Variants in ZCCHC17 observed in about 807,000 individuals in gnomAD.
The protein encoded by ZCCHC17 is zinc finger CCHC-type containing 17.
A neutral mutation model predicts 30.6 loss-of-function variants in ZCCHC17; 18 were observed. That is an observed-to-expected ratio of 0.59 (90% CI 0.41 to 0.87). ZCCHC17 has a LOEUF of 0.87. Among genes scored for constraint, ZCCHC17 ranks in the 40% least tolerant of loss-of-function variants. The pLI, the probability that ZCCHC17 is intolerant of heterozygous loss-of-function variation, is 0.00. For missense variants in ZCCHC17, 263 were observed against 284.2 expected (o/e 0.93, Z 0.54); for synonymous variants, 88 against 92.4 (o/e 0.95, Z 0.27).
At chr1:31,297,404 G>GT (rs979266961) in intron 1 of ZCCHC17, among the ~76,000 whole-genome samples, 1 of 152,198 alleles carries the variant, frequency 6.6e-6, no homozygotes, top group Non-Finnish European at 1.5e-5. Flanking sequence ...AGGCTGACTT[G>GT]TTTCTGCCAC....
At chr1:31,298,405 A>C (rs1371831556) in intron 1 of ZCCHC17, among the ~76,000 whole-genome samples, 15 of 132,822 alleles carry the variant, frequency 1.1e-4, no homozygotes, top group Non-Finnish European at 6.2e-5. Flanking sequence ...TTTTTTTTTG[A>C]GACAGGTTCT....
At chr1:31,298,814 G>A (rs111655289) in intron 1 of ZCCHC17, among the ~76,000 whole-genome samples, 3 of 152,186 alleles carry the variant, frequency 2.0e-5, no homozygotes, top group East Asian at 1.9e-4. Context: ...GGCATAATTT[G>A]TATATACATG....
intron 3 of ZCCHC17, among the ~76,000 whole-genome samples, chr1:31,320,684 A>G (rs568873037): frequency 1.4e-4 from 21 of 152,276 alleles, no homozygotes; most frequent in African/African-American, 5.1e-4. Context: ...TTGCAGTTCC[A>G]TCAGTTGATG....
intron 1 of ZCCHC17, among the ~76,000 whole-genome samples, chr1:31,306,065 A>G (rs1646448748): frequency 6.6e-6 from 1 of 152,204 alleles, no homozygotes; most frequent in East Asian, 1.9e-4. Flanking sequence ...CTTATCATAC[A>G]CTGTGGCTAT....
At chr1:31,342,044 A>G (rs1450536671) in intron 5 of ZCCHC17, among the ~76,000 whole-genome samples, 1 of 152,048 alleles carries the variant, frequency 6.6e-6, no homozygotes, top group Non-Finnish European at 1.5e-5. Flanking sequence ...TAGCATCCAT[A>G]GTATTCATTT....
At chr1:31,325,798 G>A (rs1207988887) in intron 3 of ZCCHC17, among the ~76,000 whole-genome samples, 2 of 152,106 alleles carry the variant, frequency 1.3e-5, no homozygotes, top group Non-Finnish European at 2.9e-5. Context: ...AGCAAAACTC[G>A]GGCAAAGGTG....
intron 3 of ZCCHC17, among the ~76,000 whole-genome samples, chr1:31,324,606 C>T (rs764669871): frequency 2.6e-5 from 4 of 152,222 alleles, no homozygotes; most frequent in Non-Finnish European, 5.9e-5. Flanking sequence ...GGAGCAAAGT[C>T]GAAGCTGAGC....
At chr1:31,332,687 C>G (rs868843242) in intron 3 of ZCCHC17, among the ~76,000 whole-genome samples, 1 of 151,486 alleles carries the variant, frequency 6.6e-6, no homozygotes, top group South Asian at 2.1e-4. Flanking sequence ...TGCTTTGTCA[C>G]CAGGCTGGAG....
intron 1 of ZCCHC17, among the ~76,000 whole-genome samples, chr1:31,304,387 G>A (rs1255673413): frequency 6.6e-6 from 1 of 151,614 alleles, no homozygotes; most frequent in Non-Finnish European, 1.5e-5. Context: ...ATGTTCAAGT[G>A]GTTCTCCTGT....
chr1:31,317,165 C>T (rs1264645435), intron 2 of ZCCHC17, among the ~76,000 whole-genome samples: 2 of 151,730 alleles, frequency 1.3e-5, no homozygotes, highest in Non-Finnish European at 2.9e-5. Context: ...GCTGGGATTA[C>T]AGACGCCCAC....
At chr1:31,311,859 T>C (rs2148416933) in intron 2 of ZCCHC17, among the ~76,000 whole-genome samples, 2 of 152,358 alleles carry the variant, frequency 1.3e-5, no homozygotes, top group South Asian at 4.1e-4. Flanking sequence ...TAAGAAGTAT[T>C]AATCACTTGG....
intron 7 of ZCCHC17, among the ~76,000 whole-genome samples, chr1:31,350,105 A>G (rs1639419439): frequency 1.3e-5 from 2 of 152,356 alleles, no homozygotes; most frequent in African/African-American, 2.4e-5. Flanking sequence ...AGAAAGAAAC[A>G]GTGCATTTGT....
chr1:31,362,535 G>A (rs531428335), intron 7 of ZCCHC17, among the ~76,000 whole-genome samples: 2 of 148,832 alleles, frequency 1.3e-5, no homozygotes, highest in African/African-American at 2.5e-5. Context: ...GTAGCATGAT[G>A]TGGTGGGTAT....
intron 3 of ZCCHC17, among the ~76,000 whole-genome samples, chr1:31,324,774 G>C (rs931738933): frequency 6.6e-6 from 1 of 152,200 alleles, no homozygotes; most frequent in Non-Finnish European, 1.5e-5. Flanking sequence ...GCCTGCAGGT[G>C]CCCCTGGGCA....
In ZCCHC17 at chr1:31,348,862, G is replaced by T. The variant is rs2148469575; in HGVS notation, c.452G>T (p.Gly151Val). Residue 151 changes from glycine (G) to valine (V), a missense_variant, in exon 7 of 8, where the codon GGT (glycine) becomes GTT (valine). Coordinates refer to ENST00000344147, the MANE Select transcript of ZCCHC17 (RefSeq NM_016505.4). The part of the protein sequence containing the change: ...HFAKDCFMQP[G>V]GTKYSLIPDE... ...GCAAAAGATTGTTTCATGCAACCAG[G>T]TGGGACTAAATACTCTCTGATACCT... is the stretch of plus-strand genomic sequence containing the variant. The T allele has an allele frequency of 6.2e-7, 1 of 1,612,932 alleles. No individual in the cohort carries two copies. The highest frequency in any genetic ancestry group is 2.2e-5 in the East Asian group (1 of 44,882).
At chr1:31,318,466 A>G (rs1646787343) in intron 2 of ZCCHC17, among the ~76,000 whole-genome samples, 1 of 152,166 alleles carries the variant, frequency 6.6e-6, no homozygotes, top group African/African-American at 2.4e-5. Context: ...ACTTCATCTT[A>G]GACAACTCTG....
intron 7 of ZCCHC17, among the ~76,000 whole-genome samples, chr1:31,352,948 G>C (rs2148474675): frequency 6.6e-6 from 1 of 152,210 alleles, no homozygotes; most frequent in Middle Eastern, 3.4e-3. Flanking sequence ...ATATTTTGAG[G>C]AAGCACTCTG....
intron 5 of ZCCHC17, among the ~76,000 whole-genome samples, chr1:31,344,020 A>G (rs1260348820): frequency 2.6e-5 from 4 of 151,456 alleles, no homozygotes; most frequent in African/African-American, 9.7e-5. Flanking sequence ...ATGCTCGGCT[A>G]ATTTTTGTTT....
At chr1:31,321,037 C>G (rs1646848486) in intron 3 of ZCCHC17, among the ~76,000 whole-genome samples, 1 of 152,104 alleles carries the variant, frequency 6.6e-6, no homozygotes, top group Non-Finnish European at 1.5e-5. Flanking sequence ...GATGTTAAGT[C>G]TCTTTTCTTG....
Sources: gnomAD v4.1 joint callset for allele counts (sites outside exome capture counted in the v4.1 genomes callset) on GRCh38, gnomAD v4.1.1 for gene constraint, MANE v1.5 for transcripts, NCBI Gene and HGNC (gene_info 2026-07-23, HGNC 2026-07-21) for gene names.